Variants in ATAD5 observed in about 807,000 individuals in gnomAD.
ATAD5 encodes ATPase family AAA domain containing 5, also known as ATPase family AAA domain-containing protein 5.
A neutral mutation model predicts 176.9 loss-of-function variants in ATAD5; 58 were observed. The ratio of observed to expected loss-of-function variants is 0.33; its 90% CI spans 0.27 to 0.41. ATAD5 has a LOEUF of 0.41. Ranked by LOEUF, ATAD5 falls within the 10% of genes least tolerant of loss-of-function variation. ATAD5 has a pLI of 1.00. For missense variants in ATAD5, 1,789 were observed against 2,094.1 expected (o/e 0.85, Z 2.84); for synonymous variants, 640 against 712.6 (o/e 0.90, Z 1.62).
chr17:30,852,036 C>T lies in ATAD5; in HGVS notation c.2451-3107C>T, dbSNP rs757938500. On this transcript the variant is annotated intron_variant, in intron 6 of 22. Coordinates refer to ENST00000321990, the MANE Select transcript of ATAD5 (RefSeq NM_024857.5). ...CTGCAATTATGGGCCTTAATATTGA[C>T]GAATTCCAATGGAATTAACCACATG... Among the ~76,000 whole-genome samples, 5 of 152,274 alleles carry T rather than the reference C, an allele frequency of 3.3e-5. No individual in the cohort carries two copies. In the East Asian group the frequency reaches 5.8e-4, roughly 18 times the overall value.
intron 17 of ATAD5, among the ~76,000 whole-genome samples, chr17:30,878,712 G>C (rs1191252524): frequency 2.6e-5 from 3 of 114,370 alleles, no homozygotes; most frequent in African/African-American, 1.1e-4. Context: ...TCAGAAGTTA[G>C]GTGGTGTTTT....
chr17:30,841,389 A>C (rs1411046327), intron 4 of ATAD5, among the ~76,000 whole-genome samples: 1 of 152,198 alleles, frequency 6.6e-6, no homozygotes, highest in Admixed American at 6.6e-5. Context: ...ATCAGCTTGA[A>C]ATATACGTTC....
chr17:30,851,095 G>A (rs1469391748), intron 6 of ATAD5, among the ~76,000 whole-genome samples: 3 of 144,564 alleles, frequency 2.1e-5, no homozygotes, highest in East Asian at 4.2e-4. Context: ...CACCATGTTG[G>A]CCAGGCTGGT....
At chr17:30,873,088 C>T (rs1373704217) in intron 14 of ATAD5, among the ~76,000 whole-genome samples, 1 of 152,044 alleles carries the variant, frequency 6.6e-6, no homozygotes, top group African/African-American at 2.4e-5. Context: ...AGGATAAATC[C>T]AGTGCCAGTT....
At chr17:30,859,526 AT>A (rs1348685164) in intron 9 of ATAD5, among the ~76,000 whole-genome samples, 1 of 151,544 alleles carries the variant, frequency 6.6e-6, no homozygotes, top group Non-Finnish European at 1.5e-5. Flanking sequence ...TGCCTTTCTA[AT>A]TTTTGTATTT....
At chr17:30,879,113 G>A (rs1426897107) in intron 17 of ATAD5, among the ~76,000 whole-genome samples, 3 of 152,084 alleles carry the variant, frequency 2.0e-5, no homozygotes, top group Non-Finnish European at 2.9e-5. Context: ...GCTAAGGTGG[G>A]CACTTGAACC....
rs1043021978 is a variant in ATAD5 at position 30,847,801 on chromosome 17, C to A, written c.2450+2885C>A. Among the ~76,000 whole-genome samples, 46 of 146,622 alleles carry A rather than the reference C, an allele frequency of 3.1e-4. 1 individual carries two copies. Among genetic ancestry groups the A allele is most frequent in the African/African-American group, 1.1e-3 (43 of 39,548 alleles). Reference sequence around the variant, plus strand: ...GTGGCACAGTCTAGGCTCACTGTAACCTCCGCCCCCCGGGTTTATGCCATT... The same window carrying A: ...GTGGCACAGTCTAGGCTCACTGTAAACTCCGCCCCCCGGGTTTATGCCATT... On this transcript the variant is annotated intron_variant, in intron 6 of 22. Coordinates refer to ENST00000321990, the MANE Select transcript of ATAD5 (RefSeq NM_024857.5).
In ATAD5 at chr17:30,876,116, G is replaced by T. The variant is rs566052592; in HGVS notation, c.3608-258G>T. Among the ~76,000 whole-genome samples, 6 of 152,022 alleles carry T rather than the reference G, an allele frequency of 3.9e-5. No homozygotes were observed. In the East Asian group the frequency reaches 9.6e-4, roughly 24 times the overall value. On this transcript the variant is annotated intron_variant, in intron 14 of 22. Transcript: ENST00000321990. ...CATGCCACTGCACTCCAGCCTGGGCGACGGAGCGAGACCCTGTCTCAAAAA... is the reference window on the plus strand; with the variant it reads ...CATGCCACTGCACTCCAGCCTGGGCTACGGAGCGAGACCCTGTCTCAAAAA...
In ATAD5 at chr17:30,869,589, G is replaced by A. The variant is rs761031980; in HGVS notation, c.3550G>A (p.Gly1184Ser). The A allele has an allele frequency of 1.1e-5, 18 of 1,603,702 alleles. No homozygotes were observed. In the South Asian group the frequency reaches 2.0e-4, roughly 18 times the overall value. Reference protein sequence around the residue: ...ATQSHQVDKQGVNSQKPCFFN... With the variant: ...ATQSHQVDKQSVNSQKPCFFN... ...TCAGTCCCATCAAGTAGACAAACAA[G>A]GTGTAAACTCACAAAAACCCTGTTT... Residue 1184 changes from glycine (G) to serine (S), a missense_variant, in exon 14 of 23, where the codon GGT becomes AGT. Physicochemically the swap from Gly to Ser is moderately conservative, Grantham distance 56 (BLOSUM62 0). Around this residue, in one of 6 missense-constraint regions of ATAD5, gnomAD observed 194 missense variants for 270.1 expected, o/e 0.72. Transcript: ENST00000321990.
At chr17:30,850,871 T>G (rs8065069) in intron 6 of ATAD5, among the ~76,000 whole-genome samples, 1 of 11,500 alleles carries the variant, frequency 8.7e-5, no homozygotes, top group Non-Finnish European at 1.7e-4. Flanking sequence ...ATATATATAT[T>G]TTTTTTTTTT....
chr17:30,833,604 G>C (rs1295287694), intron 1 of ATAD5, among the ~76,000 whole-genome samples: 1 of 152,168 alleles, frequency 6.6e-6, no homozygotes, highest in Non-Finnish European at 1.5e-5. Flanking sequence ...CCTGACTCCA[G>C]AGCCTATGTA....
chr17:30,849,244 C>T (rs1906724087), intron 6 of ATAD5, among the ~76,000 whole-genome samples: 1 of 152,132 alleles, frequency 6.6e-6, no homozygotes, highest in South Asian at 2.1e-4. Context: ...TAATGGACAT[C>T]TGGATTGTTT....
At chr17:30,884,897 A>G (rs1202238550) in intron 18 of ATAD5, among the ~76,000 whole-genome samples, 5 of 150,880 alleles carry the variant, frequency 3.3e-5, no homozygotes, top group African/African-American at 4.9e-5. Flanking sequence ...ACAGGCGCCC[A>G]CCACCACGCC....
chr17:30,872,175 G>A (rs187969300), intron 14 of ATAD5, among the ~76,000 whole-genome samples: 2 of 152,002 alleles, frequency 1.3e-5, no homozygotes, highest in East Asian at 1.9e-4. Flanking sequence ...TTGGCCTCCC[G>A]TAGTGCTAGG....
intron 10 of ATAD5, among the ~76,000 whole-genome samples, chr17:30,865,146 A>C (rs1488473751): frequency 6.6e-6 from 1 of 151,902 alleles, no homozygotes; most frequent in Non-Finnish European, 1.5e-5. Flanking sequence ...TAAAAAAAAA[A>C]AAACCAATGT....
At position 30,844,044 on chromosome 17, in the gene ATAD5, T is replaced by C; in HGVS notation, c.2368+5T>C. On this transcript the variant is annotated splice_donor_5th_base_variant and intron_variant, in intron 5 of 22. Coordinates refer to ENST00000321990, the MANE Select transcript of ATAD5 (RefSeq NM_024857.5). ...CATCCACTAAAAATGTACCTGGTAA[T>C]CAGAGTTAATAATATTTATGATGTA... 6.5e-7 allele frequency: 1 copy of C among 1,531,752 alleles called. No homozygotes were observed. The highest frequency in any genetic ancestry group is 8.8e-7 in the Non-Finnish European group (1 of 1,142,462). 94.9% of individuals were successfully genotyped at this position (1,531,752 alleles called of 1,614,324 possible).
intron 11 of ATAD5, among the ~76,000 whole-genome samples, chr17:30,867,128 A>G (rs1209556087): frequency 1.3e-5 from 2 of 149,508 alleles, no homozygotes; most frequent in South Asian, 2.1e-4. Flanking sequence ...CAGTGGGTAC[A>G]GTGGCTCAAG....
At chr17:30,885,021 A>G (rs1909238450) in intron 18 of ATAD5, among the ~76,000 whole-genome samples, 1 of 152,212 alleles carries the variant, frequency 6.6e-6, no homozygotes, top group Non-Finnish European at 1.5e-5. Flanking sequence ...TGCTGGGATT[A>G]CAGGCGTGAG....
chr17:30,864,449 A>G (rs1907854351), intron 10 of ATAD5: 1 of 152,238 alleles, frequency 6.6e-6, no homozygotes, highest in Non-Finnish European at 1.5e-5. Flanking sequence ...TGTCACCCAA[A>G]TAGTGAACAT....
Sources: allele counts gnomAD v4.1 joint callset (sites outside exome capture counted in the v4.1 genomes callset), GRCh38; gene constraint gnomAD v4.1.1; regional missense constraint gnomAD v4.1.1; transcripts MANE v1.5; gene names NCBI Gene and HGNC (gene_info 2026-07-23, HGNC 2026-07-21).